Variants in PLEKHA8 observed in about 807,000 individuals in gnomAD.
PLEKHA8 encodes the protein pleckstrin homology domain containing A8.
In PLEKHA8, 36 loss-of-function variants were observed where a neutral mutation model predicts 68.2. That is an observed-to-expected ratio of 0.53 (90% CI 0.40 to 0.70). PLEKHA8 has a LOEUF of 0.70. PLEKHA8 is among the 30% of genes least tolerant of loss of function. The pLI, the probability that PLEKHA8 is intolerant of heterozygous loss-of-function variation, is 0.00. For synonymous variants in PLEKHA8, 211 were observed against 216.1 expected (o/e 0.98, Z 0.20); for missense variants, 505 against 615.4 (o/e 0.82, Z 1.90).
chr7:30,124,141 T>C (rs1045259040), intron 13 of PLEKHA8, among the ~76,000 whole-genome samples: 2 of 152,212 alleles, frequency 1.3e-5, no homozygotes, highest in Non-Finnish European at 2.9e-5. Flanking sequence ...AAGAGTAATT[T>C]TTCCTAAAGC....
intron 12 of PLEKHA8, among the ~76,000 whole-genome samples, chr7:30,070,642 G>A (rs897521813): frequency 6.6e-6 from 1 of 151,722 alleles, no homozygotes; most frequent in African/African-American, 2.4e-5. Flanking sequence ...TGCCTCCCAG[G>A]TTCAAGCAAT....
chr7:30,100,424 C>T (rs148350785), intron 13 of PLEKHA8, among the ~76,000 whole-genome samples: 1 of 151,970 alleles, frequency 6.6e-6, no homozygotes, highest in Non-Finnish European at 1.5e-5. Flanking sequence ...TGGTGGTGTA[C>T]ACCTGTGGTC....
chr7:30,061,092 C>T, intron 10 of PLEKHA8, 150 bp downstream of exon 10: 1 of 694,364 alleles, frequency 1.4e-6, no homozygotes, highest in Non-Finnish European at 2.4e-6. Context: ...ACTGTGAATG[C>T]TCAGTAAGGG....
intron 1 of PLEKHA8, among the ~76,000 whole-genome samples, chr7:30,044,159 G>A (rs1045168489): frequency 6.6e-6 from 1 of 151,332 alleles, no homozygotes; most frequent in African/African-American, 2.4e-5. Context: ...GGCACTTGCC[G>A]CCACGCCCAG....
rs1792538375 is a variant in PLEKHA8, at chr7:30,052,871, A to G, written c.796+5A>G. ...ATACAGATGATAATATAACAGGTAA[A>G]AACAAAAGTAAAGTCTGAAACAAAC... On this transcript the variant is annotated splice_donor_5th_base_variant and intron_variant, in intron 7 of 13. Transcript: ENST00000449726. 11 of 1,565,902 alleles carry G rather than the reference A, an allele frequency of 7.0e-6. No individual in the cohort carries two copies. The highest frequency in any genetic ancestry group is 2.3e-5 in the East Asian group (1 of 43,400).
chr7:30,119,879 C>T (rs958905823), intron 13 of PLEKHA8, among the ~76,000 whole-genome samples: 4 of 152,146 alleles, frequency 2.6e-5, no homozygotes, highest in African/African-American at 9.7e-5. Flanking sequence ...CTTCTGGCCT[C>T]CTGACACTAA....
downstream of PLEKHA8, among the ~76,000 whole-genome samples, chr7:30,094,149 A>G (rs1176259613): frequency 6.6e-6 from 1 of 152,196 alleles, no homozygotes; most frequent in Non-Finnish European, 1.5e-5. Flanking sequence ...ACATTATCCG[A>G]AGGGACATCT....
Position 30,115,967 on chromosome 7 carries a change from CATGTGCATGCATGCATGT to C in PLEKHA8, c.1363-13295_1363-13278del, listed in dbSNP as rs1562558545. ...ACACATACGCATACATGCATGCATA[CATGTGCATGCATGCATGT>C]ATGCATACGCATACATACGCATACA... On this transcript the variant is annotated intron_variant, in intron 13 of 13. Coordinates refer to the PLEKHA8 transcript ENST00000396257. 1.5e-5 allele frequency: 2 copies of C among 130,512 alleles called. 1 individual carries two copies. The highest frequency in any genetic ancestry group is 3.4e-5 in the Non-Finnish European group (2 of 58,576). The allele number at this position is 130,512 out of a possible 1,614,324, so 8.1% of individuals were successfully genotyped here.
intron 13 of PLEKHA8, among the ~76,000 whole-genome samples, chr7:30,119,709 C>A (rs754345804): frequency 2.0e-5 from 3 of 152,106 alleles, no homozygotes; most frequent in Non-Finnish European, 2.9e-5. Context: ...TGAAAACAGC[C>A]GCTTATACCT....
At chr7:30,074,358 G>A (rs932854992) in intron 13 of PLEKHA8, among the ~76,000 whole-genome samples, 1 of 152,038 alleles carries the variant, frequency 6.6e-6, no homozygotes. Flanking sequence ...CCTTTGGTGT[G>A]TGGAAATGTC....
chr7:30,102,626 T>A (rs934862160), intron 13 of PLEKHA8, among the ~76,000 whole-genome samples: 5 of 152,244 alleles, frequency 3.3e-5, no homozygotes, highest in Non-Finnish European at 7.3e-5. Flanking sequence ...CATGCTGATA[T>A]GGATGAATCT....
chr7:30,122,690 G>T (rs1796714187), intron 13 of PLEKHA8, among the ~76,000 whole-genome samples: 1 of 152,184 alleles, frequency 6.6e-6, no homozygotes, highest in African/African-American at 2.4e-5. Context: ...TGGAGCTGGG[G>T]TTCAGTAATA....
intron 6 of PLEKHA8, 69 bp from the exon 7 acceptor site, chr7:30,052,640 C>CAAAAAAAAAAA (rs75714651): frequency 9.6e-5 from 102 of 1,066,904 alleles, no homozygotes; most frequent in Admixed American, 6.6e-4. Context: ...GACCCTGTTT[C>CAAAAAAAAAAA]AAAAAAAAAA....
Position 30,080,355 on chromosome 7 carries a change from T to C in PLEKHA8, c.*1568T>C. On this transcript the variant is annotated 3_prime_UTR_variant, in exon 14 of 14. Transcript: ENST00000449726. Reference sequence around the variant, plus strand: ...CCTTCCCCATTAGAGGCTACTTCCTTCTAGTAACAGGAAGGGAAGTTCCAG... The same window carrying C: ...CCTTCCCCATTAGAGGCTACTTCCTCCTAGTAACAGGAAGGGAAGTTCCAG... 1.0e-6 allele frequency: 1 copy of C among 985,270 alleles called. No individual in the cohort carries two copies. The highest frequency in any genetic ancestry group is 1.7e-5 in the African/African-American group (1 of 57,302). 61.0% of individuals were successfully genotyped at this position (985,270 alleles called of 1,614,324 possible).
chr7:30,047,532 G>T (rs924134814), intron 3 of PLEKHA8, among the ~76,000 whole-genome samples: 5 of 152,278 alleles, frequency 3.3e-5, no homozygotes, highest in South Asian at 2.1e-4. Context: ...TCTGCTCCCA[G>T]TTCTGACAGG....
Position 30,078,840 on chromosome 7 carries a change from G to C in PLEKHA8, c.*53G>C. On this transcript the variant is annotated 3_prime_UTR_variant, in exon 14 of 14. Transcript: ENST00000449726. ...CAGGGAATAAGTGCTAAAGTGTTTTGTTGCCCTACTTAATTTCCAGCAACA... is the reference window on the plus strand; with the variant it reads ...CAGGGAATAAGTGCTAAAGTGTTTTCTTGCCCTACTTAATTTCCAGCAACA... 1 of 1,572,046 alleles carries C rather than the reference G, an allele frequency of 6.4e-7. No homozygotes were observed. The highest frequency in any genetic ancestry group is 1.4e-5 in the African/African-American group (1 of 73,908).
chr7:30,078,290 A>G (rs943583954), intron 13 of PLEKHA8, among the ~76,000 whole-genome samples: 4 of 152,190 alleles, frequency 2.6e-5, no homozygotes, highest in Non-Finnish European at 2.9e-5. Flanking sequence ...CACACTGTGG[A>G]TCAGAAGGGA....
intron 13 of PLEKHA8, among the ~76,000 whole-genome samples, chr7:30,120,574 C>T (rs1796681016): frequency 6.6e-6 from 1 of 152,142 alleles, no homozygotes; most frequent in Non-Finnish European, 1.5e-5. Context: ...TAGGTTGGAC[C>T]TAAATATGTA....
intron 13 of PLEKHA8, chr7:30,075,108 A>C (rs1464892040): frequency 6.6e-6 from 1 of 152,214 alleles, no homozygotes; most frequent in Admixed American, 6.5e-5. Context: ...GGTATCTTTT[A>C]CTGATGTAAA....
Sources: allele counts gnomAD v4.1 joint callset (sites outside exome capture counted in the v4.1 genomes callset), GRCh38; gene constraint gnomAD v4.1.1; transcripts MANE v1.5; gene names NCBI Gene and HGNC (gene_info 2026-07-23, HGNC 2026-07-21).